The following RIT1 variants were observed in gnomAD, a reference collection of about 807,000 sequenced individuals.
RIT1 encodes Ras like without CAAX 1.
In RIT1, 6 loss-of-function variants were observed where a neutral mutation model predicts 25.6. That is an observed-to-expected ratio of 0.23 (90% CI 0.13 to 0.46). The LOEUF is 0.46. Ranked by LOEUF, RIT1 falls within the 20% of genes least tolerant of loss-of-function variation. RIT1 has a pLI of 0.99. For synonymous variants in RIT1, 81 were observed against 94.1 expected (o/e 0.86, Z 0.80); for missense variants, 219 against 284.4 (o/e 0.77, Z 1.65).
At chr1:155,906,585 A>G (rs1324987991) in intron 3 of RIT1, among the ~76,000 whole-genome samples, 1 of 151,678 alleles carries the variant, frequency 6.6e-6, no homozygotes, top group Non-Finnish European at 1.5e-5. Context: ...ATGTGGTGAA[A>G]CCCCATCTCT....
In RIT1 at chr1:155,910,795, G is replaced by A. The variant is rs915548336; in HGVS notation, c.-34C>T. On this transcript the variant is annotated 5_prime_UTR_variant, in exon 2 of 6. Transcript: ENST00000368323. Reference sequence around the variant, plus strand: ...TGGGGCCTTCCTCGGTTGCCCCGAGGAAAAGCCACCTAGAAAAGGAGGAGG... The same window carrying A: ...TGGGGCCTTCCTCGGTTGCCCCGAGAAAAAGCCACCTAGAAAAGGAGGAGG... 2 of 1,613,996 alleles carry A rather than the reference G, an allele frequency of 1.2e-6. No individual in the cohort carries two copies. Among genetic ancestry groups the A allele is most frequent in the African/African-American group, 2.7e-5 (2 of 74,914 alleles).
At position 155,904,706 on chromosome 1, in the gene RIT1, C is replaced by T. The variant is rs757327468; in HGVS notation, c.237+25G>A. The T allele has an allele frequency of 7.0e-6, 11 of 1,563,008 alleles. No individual in the cohort carries two copies. The Admixed American group carries it at 8.3e-5, about 12-fold the overall frequency. ...CTTTGCTAGAGTAAAAAAGCCTTTA[C>T]TCATAACATTCTGGGATTTAATACC... On this transcript the variant is annotated intron_variant, in intron 4 of 5. Transcript: ENST00000368323.
Position 155,910,641 on chromosome 1 carries a change from G to A in RIT1, c.106+15C>T, listed in dbSNP as rs755316223. The A allele has an allele frequency of 1.8e-4, 283 of 1,612,244 alleles. No individual in the cohort carries two copies. Among genetic ancestry groups the A allele is most frequent in the Non-Finnish European group, 2.4e-4 (277 of 1,178,600 alleles). ...TTTCATCCATGCTTCCTGTCAAATGGAAAATGTTACCTACCACTCTTCCCT... is the reference window on the plus strand; with the variant it reads ...TTTCATCCATGCTTCCTGTCAAATGAAAAATGTTACCTACCACTCTTCCCT... On this transcript the variant is annotated intron_variant, in intron 2 of 5. Coordinates refer to ENST00000368323, the MANE Select transcript of RIT1 (RefSeq NM_006912.6).
rs543706593 is a variant in RIT1, at chr1:155,898,541, A to ATATATATATATATCTATCTC, written c.*1846_*1847insGAGATAGATATATATATATA. The ATATATATATATATCTATCTC allele has an allele frequency of 1.7e-5, 2 of 117,338 alleles. No individual in the cohort carries two copies. The highest frequency in any genetic ancestry group is 6.4e-5 in the African/African-American group (2 of 31,480). 7.3% of individuals were successfully genotyped at this position (117,338 alleles called of 1,614,324 possible). Reference sequence around the variant, plus strand: ...AAAATATATATATATATATATATATATATCTCTTAATGTTAATAACAATTC... The same window carrying ATATATATATATATCTATCTC: ...AAAATATATATATATATATATATATATATATATATATATCTATCTCTATCTCTTAATGTTAATAACAATTC... On this transcript the variant is annotated 3_prime_UTR_variant, in exon 6 of 6. Coordinates refer to ENST00000368323, the MANE Select transcript of RIT1 (RefSeq NM_006912.6).
At chr1:155,903,934 G>A (rs1673372507) in intron 5 of RIT1, among the ~76,000 whole-genome samples, 2 of 152,172 alleles carry the variant, frequency 1.3e-5, no homozygotes, top group African/African-American at 4.8e-5. Flanking sequence ...TGCTTGAGCT[G>A]GGGAGGTAGA....
At chr1:155,904,979 T>TC (rs1335828164) in intron 3 of RIT1, among the ~76,000 whole-genome samples, 175 bp from the exon 4 acceptor site, 2 of 152,246 alleles carry the variant, frequency 1.3e-5, no homozygotes, top group Non-Finnish European at 2.9e-5. Context: ...CTGAAGTTTT[T>TC]TTTTCCACAT....
At chr1:155,910,533 T>C (rs1037072234) in intron 2 of RIT1, 27 bp from the exon 3 acceptor site, 2 of 1,613,350 alleles carry the variant, frequency 1.2e-6, no homozygotes, top group African/African-American at 2.7e-5. Context: ...AAAAGTCAAA[T>C]CCTCACAAAG....
intron 3 of RIT1, among the ~76,000 whole-genome samples, chr1:155,908,686 C>A (rs1193061685): frequency 6.6e-6 from 1 of 151,286 alleles, no homozygotes; most frequent in Non-Finnish European, 1.5e-5. Context: ...CCTCAGCCCC[C>A]GCAGTAGCTG....
At chr1:155,902,778 G>C (rs1270076784) in intron 5 of RIT1, among the ~76,000 whole-genome samples, 1 of 151,940 alleles carries the variant, frequency 6.6e-6, no homozygotes, top group Non-Finnish European at 1.5e-5. Flanking sequence ...GAGTCAGAGA[G>C]GTTGCAGTGA....
In RIT1 at chr1:155,900,011, C is replaced by A; in HGVS notation, c.*377G>T. ...GACTGAGGTCTTTCTCTGGGATAGTCCCAGGAAATTGAAATTAAAGGATAA... is the reference window on the plus strand; with the variant it reads ...GACTGAGGTCTTTCTCTGGGATAGTACCAGGAAATTGAAATTAAAGGATAA... On this transcript the variant is annotated 3_prime_UTR_variant, in exon 6 of 6. Transcript: ENST00000368323. 1 of 257,520 alleles carries A rather than the reference C, an allele frequency of 3.9e-6. No individual in the cohort carries two copies. The highest frequency in any genetic ancestry group is 7.6e-6 in the Non-Finnish European group (1 of 132,138). The allele number at this position is 257,520 out of a possible 1,614,324, so 16.0% of individuals were successfully genotyped here.
intron 4 of RIT1, 27 bp downstream of exon 4, chr1:155,904,704 T>C: frequency 1.2e-5 from 18 of 1,553,522 alleles, no homozygotes; most frequent in Non-Finnish European, 1.6e-5. Flanking sequence ...AAAAAGCCTT[T>C]ACTCATAACA....
rs1333509248 is a variant in RIT1, at chr1:155,904,361, T to C, written c.379A>G (p.Thr127Ala). The C allele has an allele frequency of 1.2e-6, 2 of 1,614,168 alleles. No homozygotes were observed. The highest frequency in any genetic ancestry group is 2.2e-5 in the East Asian group (1 of 44,886). The change falls in exon 5 of 6, where the codon ACA (threonine) becomes GCA (alanine). Residue 127 changes from threonine (T) to alanine (A), a missense_variant. Transcript: ENST00000368323. Reference protein sequence around the residue: ...LIYRVRRTDDTPVVLVGNKSD... With the variant: ...LIYRVRRTDDAPVVLVGNKSD... ...TTGTTTCCCACAAGAACCACAGGTGTATCGTCAGTACGTCGGACTCGATAA... is the reference window on the plus strand; with the variant it reads ...TTGTTTCCCACAAGAACCACAGGTGCATCGTCAGTACGTCGGACTCGATAA...
chr1:155,904,289 G>C lies in RIT1; in HGVS notation c.429+22C>G. On this transcript the variant is annotated intron_variant, in intron 5 of 5. Coordinates refer to ENST00000368323, the MANE Select transcript of RIT1 (RefSeq NM_006912.6). ...GACTAATTGTATAAGATTATAGACA[G>C]TATTTTCTTCTCTATCCTCACCTGT... 3 of 1,524,444 alleles carry C rather than the reference G, an allele frequency of 2.0e-6. No individual in the cohort carries two copies. The South Asian group carries it at 3.4e-5, about 17-fold the overall frequency. 94.4% of individuals were successfully genotyped at this position (1,524,444 alleles called of 1,614,324 possible).
intron 3 of RIT1, among the ~76,000 whole-genome samples, chr1:155,906,633 C>T (rs751009069): frequency 8.6e-5 from 13 of 151,132 alleles, no homozygotes; most frequent in Admixed American, 2.0e-4. Flanking sequence ...TGGTCACAGG[C>T]GCCTGTAATC....
chr1:155,910,619 C>T, intron 2 of RIT1, 37 bp downstream of exon 2: 1 of 1,611,012 alleles, frequency 6.2e-7, no homozygotes, highest in East Asian at 2.2e-5. Context: ...AAGTACTTTT[C>T]ATCCATGCTT....
Position 155,899,318 on chromosome 1 carries a change from T to A in RIT1, c.*1070A>T, listed in dbSNP as rs769089657. ...ATTTTAAAGCTTTAAGACTGACCCA[T>A]TCAACAGAAATAGCAGATTTTCTCA... On this transcript the variant is annotated 3_prime_UTR_variant, in exon 6 of 6. Transcript: ENST00000368323. 1.0e-4 allele frequency: 22 copies of A among 217,642 alleles called. No homozygotes were observed. The highest frequency in any genetic ancestry group is 1.8e-4 in the Non-Finnish European group (19 of 107,880). 13.5% of individuals were successfully genotyped at this position (217,642 alleles called of 1,614,324 possible). A position where few individuals can be genotyped will look rare whatever the true frequency, so the allele number is the denominator to read the frequency against.
At chr1:155,904,205 T>C in intron 5 of RIT1, 106 bp downstream of exon 5, 1 of 905,662 alleles carries the variant, frequency 1.1e-6, no homozygotes, top group Non-Finnish European at 1.7e-6. Flanking sequence ...TGATTTTCTA[T>C]TTTAAGGCAA....
chr1:155,910,912 C>G, intron 1 of RIT1, 108 bp from the exon 2 acceptor site: 1 of 1,556,216 alleles, frequency 6.4e-7, no homozygotes, highest in Admixed American at 2.0e-5. Flanking sequence ...CCCTCTTACT[C>G]TGGCCTGTCC....
intron 3 of RIT1, among the ~76,000 whole-genome samples, chr1:155,909,943 G>T (rs1344731136): frequency 9.5e-6 from 1 of 104,780 alleles, no homozygotes; most frequent in African/African-American, 3.1e-5. Flanking sequence ...AAAAACAACA[G>T]ACAGACATGG....
Sources: allele counts gnomAD v4.1 joint callset (sites outside exome capture counted in the v4.1 genomes callset), GRCh38; gene constraint gnomAD v4.1.1; transcripts MANE v1.5; gene names NCBI Gene and HGNC (gene_info 2026-07-23, HGNC 2026-07-21).